MYBL2: variants seen among roughly 807,000 people sequenced by gnomAD.
The protein encoded by MYBL2 is myb-related protein B.
In MYBL2, 28 loss-of-function variants were observed where a neutral mutation model predicts 79.9. That is an observed-to-expected ratio of 0.35 (90% CI 0.26 to 0.48). The LOEUF is 0.48. MYBL2 is among the 20% of genes least tolerant of loss of function. MYBL2 has a pLI of 0.99. For missense variants in MYBL2, 735 were observed against 893.9 expected (o/e 0.82, Z 2.27); for synonymous variants, 378 against 361.2 (o/e 1.05, Z -0.53).
intron 9 of MYBL2, 23 bp downstream of exon 9, chr20:43,705,381 C>A (rs1484276623): frequency 6.3e-7 from 1 of 1,575,946 alleles, no homozygotes; most frequent in Admixed American, 1.8e-5. Context: ...GTGCCCCCAA[C>A]CTTCGCCGTC....
At chr20:43,707,759 C>CT (rs1475146835) in intron 9 of MYBL2, among the ~76,000 whole-genome samples, 3 of 151,962 alleles carry the variant, frequency 2.0e-5, no homozygotes, top group African/African-American at 7.3e-5. Context: ...TGGTATTTCT[C>CT]TATTTTTTTC....
At chr20:43,700,754 A>G (rs1344699778) in intron 7 of MYBL2, among the ~76,000 whole-genome samples, 1 of 152,182 alleles carries the variant, frequency 6.6e-6, no homozygotes, top group East Asian at 1.9e-4. Flanking sequence ...TCTGCGTGGT[A>G]TCCTGTGAGG....
chr20:43,688,054 C>G (rs890714201), intron 5 of MYBL2, among the ~76,000 whole-genome samples: 2 of 150,736 alleles, frequency 1.3e-5, no homozygotes, highest in Non-Finnish European at 3.0e-5. Flanking sequence ...ATACTGAAAG[C>G]ATTCCATGAT....
intron 5 of MYBL2, among the ~76,000 whole-genome samples, chr20:43,687,737 CG>C (rs556319979): frequency 5.1e-4 from 77 of 152,150 alleles, no homozygotes; most frequent in African/African-American, 1.6e-3. Flanking sequence ...TGTTTATGGA[CG>C]GGCATGGTGG....
chr20:43,685,904 G>T (rs890629920), intron 4 of MYBL2, among the ~76,000 whole-genome samples: 1 of 151,666 alleles, frequency 6.6e-6, no homozygotes, highest in Non-Finnish European at 1.5e-5. Context: ...GGGCATGGTG[G>T]TGCATGCCTG....
At position 43,667,218 on chromosome 20, in the gene MYBL2, C is replaced by A; in HGVS notation, c.-66C>A. 8.6e-7 allele frequency: 1 copy of A among 1,157,820 alleles called. No homozygotes were observed. The highest frequency in any genetic ancestry group is 4.3e-5 in the South Asian group (1 of 23,302). 71.7% of individuals were successfully genotyped at this position (1,157,820 alleles called of 1,614,324 possible). ...GCCGGAGCAGCCCGGGTCCTGACCC[C>A]GGCCCGGCTCCCGCTCCGGGCTCTG... On this transcript the variant is annotated 5_prime_UTR_variant, in exon 1 of 14. Transcript: ENST00000217026.
At chr20:43,695,526 C>T (rs190189529) in intron 6 of MYBL2, among the ~76,000 whole-genome samples, 1 of 152,118 alleles carries the variant, frequency 6.6e-6, no homozygotes, top group Non-Finnish European at 1.5e-5. Flanking sequence ...TTGAGAAATT[C>T]CTAGAGATGG....
intron 8 of MYBL2, 142 bp downstream of exon 8, chr20:43,703,045 G>C (rs1008230338): frequency 1.1e-6 from 1 of 944,068 alleles, no homozygotes. Context: ...AACTAAAAAA[G>C]ACTCAGAAAA....
intron 8 of MYBL2, 119 bp from the exon 9 acceptor site, chr20:43,705,098 CAG>C: frequency 3.9e-6 from 5 of 1,291,540 alleles, no homozygotes; most frequent in Non-Finnish European, 5.3e-6. Context: ...GAGGGGACCT[CAG>C]TATCAGAGCA....
intron 8 of MYBL2, among the ~76,000 whole-genome samples, chr20:43,704,827 C>T (rs80189488): frequency 0.014 from 2,107 of 152,276 alleles, 65 homozygotes; most frequent in African/African-American, 0.048. Context: ...TAAATGATAA[C>T]CCCACCGCCA....
chr20:43,696,509 C>G (rs1463775056), intron 6 of MYBL2, among the ~76,000 whole-genome samples: 1 of 152,294 alleles, frequency 6.6e-6, no homozygotes, highest in African/African-American at 2.4e-5. Flanking sequence ...GCGTGAGCCA[C>G]CACACCAGGC....
At chr20:43,671,482 T>G (rs1179888393) in intron 1 of MYBL2, among the ~76,000 whole-genome samples, 21 of 145,510 alleles carry the variant, frequency 1.4e-4, no homozygotes, top group African/African-American at 5.2e-4. Context: ...TTTTTTTTTT[T>G]TTTTTGTGAG....
At chr20:43,710,947 C>CT (rs1330444020) in intron 10 of MYBL2, among the ~76,000 whole-genome samples, 1 of 152,126 alleles carries the variant, frequency 6.6e-6, no homozygotes, top group Non-Finnish European at 1.5e-5. Context: ...TTTGTGGGGG[C>CT]TTTTCGGATG....
rs1273818653 is a variant in MYBL2 at position 43,713,033 on chromosome 20, A to G, written c.1751A>G (p.Lys584Arg). 1 of 1,612,964 alleles carries G rather than the reference A, an allele frequency of 6.2e-7. No homozygotes were observed. The highest frequency in any genetic ancestry group is 1.3e-5 in the African/African-American group (1 of 74,916). The change falls in exon 12 of 14, where the codon AAG (lysine) becomes AGG (arginine). Residue 584 changes from lysine to arginine, a missense_variant. This residue lies in a region of MYBL2 where 204 missense variants were observed against 202.9 expected (regional missense o/e 1.01). Coordinates refer to ENST00000217026, the MANE Select transcript of MYBL2 (RefSeq NM_002466.4). ...LRRSPIKKVR[K>R]SLALDIVDED... ...CGGAGCCCCATCAAGAAAGTCCGGA[A>G]GTCTCTGGCTCTTGACATTGTGGAT...
At chr20:43,695,944 C>T (rs1168963512) in intron 6 of MYBL2, among the ~76,000 whole-genome samples, 4 of 152,060 alleles carry the variant, frequency 2.6e-5, no homozygotes, top group African/African-American at 4.8e-5. Context: ...CTTGAACTGG[C>T]GTGGCGGAGG....
intron 1 of MYBL2, among the ~76,000 whole-genome samples, chr20:43,667,552 G>A (rs1051209657): frequency 6.6e-6 from 1 of 152,126 alleles, no homozygotes; most frequent in Admixed American, 6.5e-5. Context: ...GGACGGGCGG[G>A]TCTCTTGGGA....
chr20:43,679,493 G>A (rs958196343), intron 2 of MYBL2, among the ~76,000 whole-genome samples: 7 of 152,160 alleles, frequency 4.6e-5, no homozygotes, highest in African/African-American at 1.4e-4. Flanking sequence ...ACGAGGCTGA[G>A]TGTGGTGGTT....
intron 1 of MYBL2, among the ~76,000 whole-genome samples, chr20:43,669,669 C>G (rs1986813333): frequency 6.6e-6 from 1 of 152,216 alleles, no homozygotes; most frequent in South Asian, 2.1e-4. Context: ...GGTTCAGAGC[C>G]TGGCTCTATG....
Position 43,673,741 on chromosome 20 carries a change from A to G in MYBL2, c.21-65A>G, listed in dbSNP as rs149441378. Reference sequence around the variant, plus strand: ...CTAGGGTGGGCTGGCCGCTGCCTACACGTTCTCCATTATGTAAAACATATG... The same window carrying G: ...CTAGGGTGGGCTGGCCGCTGCCTACGCGTTCTCCATTATGTAAAACATATG... On this transcript the variant is annotated intron_variant, in intron 1 of 13. Transcript: ENST00000217026. 4.1e-4 allele frequency: 616 copies of G among 1,516,130 alleles called. 2 individuals carry two copies. In the East Asian group the frequency reaches 0.011, roughly 28 times the overall value. 93.9% of individuals were successfully genotyped at this position (1,516,130 alleles called of 1,614,324 possible).
Sources: gnomAD v4.1 joint callset for allele counts (sites outside exome capture counted in the v4.1 genomes callset) on GRCh38, gnomAD v4.1.1 for gene constraint, gnomAD v4.1.1 regional missense constraint, MANE v1.5 for transcripts, NCBI Gene and HGNC (gene_info 2026-07-23, HGNC 2026-07-21) for gene names.